PPM1L: variants seen among roughly 807,000 people sequenced by gnomAD.
PPM1L encodes protein phosphatase, Mg2+/Mn2+ dependent 1L.
PPM1L carries 13 observed loss-of-function variants against 31.4 expected under a neutral mutation model. That is an observed-to-expected ratio of 0.41 (90% confidence interval 0.27 to 0.66). PPM1L has a LOEUF of 0.66. Among genes scored for constraint, PPM1L ranks in the 30% least tolerant of loss-of-function variants. PPM1L has a pLI of 0.29. For synonymous variants in PPM1L, 184 were observed against 175.4 expected, an observed-to-expected ratio of 1.05 and a Z score of -0.39; for missense variants, 326 against 453.7, an observed-to-expected ratio of 0.72 and a Z score of 2.56.
At chr3:160,857,228 G>T (rs779231814) in intron 1 of PPM1L, among the ~76,000 whole-genome samples, 4 of 152,166 alleles carry the variant, frequency 2.6e-5, no homozygotes, top group Admixed American at 2.0e-4. Flanking sequence ...AATTCTGACA[G>T]TGTGGGCTTT....
At chr3:160,896,986 A>G (rs1303862179) in intron 1 of PPM1L, among the ~76,000 whole-genome samples, 2 of 150,346 alleles carry the variant, frequency 1.3e-5, no homozygotes, top group Admixed American at 6.6e-5. Context: ...TCTTACAGCT[A>G]TAGTGATTGC....
intron 1 of PPM1L, among the ~76,000 whole-genome samples, chr3:160,881,592 T>C (rs963620243): frequency 2.6e-5 from 4 of 152,236 alleles, no homozygotes; most frequent in Admixed American, 6.5e-5. Flanking sequence ...ACTAGACTTT[T>C]AATGATTTCA....
At chr3:160,857,530 T>C (rs554160725) in intron 1 of PPM1L, among the ~76,000 whole-genome samples, 1 of 152,294 alleles carries the variant, frequency 6.6e-6, no homozygotes, top group East Asian at 1.9e-4. Flanking sequence ...GCTGGGACCA[T>C]ATGGTTTTCT....
intron 2 of PPM1L, among the ~76,000 whole-genome samples, chr3:161,049,967 G>A (rs1401475592): frequency 6.6e-6 from 1 of 152,110 alleles, no homozygotes; most frequent in African/African-American, 2.4e-5. Context: ...TGTTCCTGCT[G>A]CCGTCTGCCA....
chr3:160,864,256 C>T (rs1315320601), intron 1 of PPM1L, among the ~76,000 whole-genome samples: 1 of 152,154 alleles, frequency 6.6e-6, no homozygotes, highest in African/African-American at 2.4e-5. Context: ...GATCACAGCT[C>T]ACTGTAGCCT....
chr3:161,070,588 T>A lies in PPM1L; in HGVS notation c.*1431T>A, dbSNP rs1379527550. 1 of 152,208 alleles carries A rather than the reference T, an allele frequency of 6.6e-6. No homozygotes were observed. The highest frequency in any genetic ancestry group is 6.5e-5 in the Admixed American group (1 of 15,282). 9.4% of individuals were successfully genotyped at this position (152,208 alleles called of 1,614,324 possible). ...TTCCAACCTTGGTATTTTATATTATTTAGAGAAAATGCTGGGTCACTCTCT... is the reference window on the plus strand; with the variant it reads ...TTCCAACCTTGGTATTTTATATTATATAGAGAAAATGCTGGGTCACTCTCT... On this transcript the variant is annotated 3_prime_UTR_variant, in exon 4 of 4. Transcript: ENST00000498165.
At chr3:160,796,935 C>A (rs1288281691) in intron 1 of PPM1L, among the ~76,000 whole-genome samples, 8 of 152,204 alleles carry the variant, frequency 5.3e-5, no homozygotes, top group African/African-American at 1.9e-4. Context: ...AGGGTAAACA[C>A]AATGACCTCA....
intron 1 of PPM1L, among the ~76,000 whole-genome samples, chr3:160,764,823 T>C (rs958770462): frequency 3.3e-5 from 5 of 152,192 alleles, no homozygotes; most frequent in East Asian, 1.9e-4. Flanking sequence ...TAGAGCAATA[T>C]TTTATTGAGT....
At chr3:161,009,092 T>C (rs1257119469) in intron 2 of PPM1L, among the ~76,000 whole-genome samples, 1 of 152,186 alleles carries the variant, frequency 6.6e-6, no homozygotes, top group East Asian at 1.9e-4. Flanking sequence ...GGGAGATAAT[T>C]GTTTTCTCAG....
At chr3:160,835,039 ACTT>A (rs201253772) in intron 1 of PPM1L, among the ~76,000 whole-genome samples, 5,111 of 131,744 alleles carry the variant, frequency 0.039, 110 homozygotes, top group Admixed American at 0.073. Flanking sequence ...TACTACTACT[ACTT>A]CTTCTTCTTC....
In PPM1L at chr3:161,064,259, C is replaced by G. The variant is rs1312918974; in HGVS notation, c.575-1144C>G. ...GCATGCACCTGTAGTCCCAGCTACT[C>G]CAGAGGCTGAGGTGGGGGAATTGCT... On this transcript the variant is annotated intron_variant, in intron 2 of 3. Transcript: ENST00000498165. Among the ~76,000 whole-genome samples, 11 of 150,294 alleles carry G rather than the reference C, an allele frequency of 7.3e-5. No homozygotes were observed. In the East Asian group the frequency reaches 2.0e-3, roughly 27 times the overall value.
chr3:160,908,271 A>G lies in PPM1L; in HGVS notation c.400-53465A>G, dbSNP rs183887824. On this transcript the variant is annotated intron_variant, in intron 1 of 3. Transcript: ENST00000498165. ...ATATTTATATTATGTTTTATTTATG[A>G]TCACAAGCATGGTGTAAGAGTGCTT... 2.6e-3 allele frequency among the ~76,000 whole-genome samples: 403 copies of G among 152,236 alleles called. 1 individual carries two copies. The highest frequency in any genetic ancestry group is 9.3e-3 in the African/African-American group (388 of 41,548).
intron 2 of PPM1L, among the ~76,000 whole-genome samples, chr3:161,061,771 A>G (rs936077731): frequency 6.6e-6 from 1 of 152,204 alleles, no homozygotes; most frequent in African/African-American, 2.4e-5. Context: ...TCTAGAACCA[A>G]TCACCAGCAG....
intron 1 of PPM1L, among the ~76,000 whole-genome samples, chr3:160,772,604 T>C (rs1715287169): frequency 1.3e-5 from 2 of 152,218 alleles, no homozygotes; most frequent in South Asian, 4.1e-4. Flanking sequence ...TATATGCAAT[T>C]TGATCAGTTT....
chr3:160,889,463 C>A (rs1177613705), intron 1 of PPM1L, among the ~76,000 whole-genome samples: 1 of 152,092 alleles, frequency 6.6e-6, no homozygotes, highest in Non-Finnish European at 1.5e-5. Flanking sequence ...GAAGTTGAAT[C>A]CTTGGATGAG....
Position 160,915,228 on chromosome 3 carries a change from A to G in PPM1L, c.400-46508A>G, listed in dbSNP as rs1452309299. 4.6e-5 allele frequency among the ~76,000 whole-genome samples: 7 copies of G among 152,332 alleles called. No homozygotes were observed. The South Asian group carries it at 8.3e-4, about 18-fold the overall frequency. The stretch of plus-strand genomic sequence containing the variant: ...AGCAAAGTCTCAGGATACAAAATCA[A>G]TGTGCAAAAATCACGAGCATTCTTA... On this transcript the variant is annotated intron_variant, in intron 1 of 3. Transcript: ENST00000498165.
chr3:160,898,254 C>A (rs929802165), intron 1 of PPM1L, among the ~76,000 whole-genome samples: 2 of 152,126 alleles, frequency 1.3e-5, no homozygotes, highest in Non-Finnish European at 2.9e-5. Context: ...AATGGCTTTA[C>A]TCTCAAAGAT....
At chr3:160,984,856 A>G (rs922529415) in intron 2 of PPM1L, among the ~76,000 whole-genome samples, 6 of 152,122 alleles carry the variant, frequency 3.9e-5, no homozygotes, top group Non-Finnish European at 8.8e-5. Context: ...CCCCCATGGG[A>G]CATTTGGCAA....
At chr3:160,811,608 T>C (rs1344576289) in intron 1 of PPM1L, among the ~76,000 whole-genome samples, 1 of 152,224 alleles carries the variant, frequency 6.6e-6, no homozygotes, top group Non-Finnish European at 1.5e-5. Flanking sequence ...TGAGCTTAAA[T>C]TGAATATTCT....
Sources: gnomAD v4.1 joint callset for allele counts (sites outside exome capture counted in the v4.1 genomes callset) on GRCh38, gnomAD v4.1.1 for gene constraint, MANE v1.5 for transcripts, NCBI Gene and HGNC (gene_info 2026-07-23, HGNC 2026-07-21) for gene names.